Variants in EDAR observed in about 807,000 individuals in gnomAD.
EDAR encodes tumor necrosis factor receptor superfamily member EDAR.
A neutral mutation model predicts 51.3 loss-of-function variants in EDAR; 38 were observed. The ratio of observed to expected loss-of-function variants is 0.74; its 90% CI spans 0.57 to 0.97. EDAR has a LOEUF of 0.97. Among genes scored for constraint, EDAR ranks in the 50% least tolerant of loss-of-function variants. The probability of loss-of-function intolerance (pLI) is 0.00; values close to 1 mark genes in which losing one functional copy is unlikely to be tolerated. For missense variants in EDAR, 528 were observed against 595.0 expected, an observed-to-expected ratio of 0.89 and a Z score of 1.17; for synonymous variants, 227 against 242.1, an observed-to-expected ratio of 0.94 and a Z score of 0.58.
intron 1 of EDAR, among the ~76,000 whole-genome samples, chr2:108,970,297 G>A (rs1174151830): frequency 1.3e-5 from 2 of 152,172 alleles, no homozygotes; most frequent in Non-Finnish European, 2.9e-5. Flanking sequence ...GGAGACATGA[G>A]ATGTTTGGAG....
At chr2:108,962,048 G>A (rs1698056955) in intron 1 of EDAR, among the ~76,000 whole-genome samples, 1 of 152,198 alleles carries the variant, frequency 6.6e-6, no homozygotes, top group African/African-American at 2.4e-5. Context: ...TAAAATCCTG[G>A]AGAGACTTTT....
intron 5 of EDAR, among the ~76,000 whole-genome samples, chr2:108,915,356 T>C (rs1697007376): frequency 6.6e-6 from 1 of 152,158 alleles, no homozygotes; most frequent in Non-Finnish European, 1.5e-5. Context: ...GGCTGGATGC[T>C]TCTCTGTCCT....
At chr2:108,943,355 T>C (rs1697646592) in intron 1 of EDAR, among the ~76,000 whole-genome samples, 1 of 151,884 alleles carries the variant, frequency 6.6e-6, no homozygotes. Flanking sequence ...GGGATCAGAG[T>C]AAAACCTTTC....
chr2:108,954,786 C>T (rs1440567336), intron 1 of EDAR, among the ~76,000 whole-genome samples: 1 of 152,066 alleles, frequency 6.6e-6, no homozygotes, highest in Non-Finnish European at 1.5e-5. Flanking sequence ...AGCGATTCTC[C>T]TGTCTCAGCC....
intron 1 of EDAR, among the ~76,000 whole-genome samples, chr2:108,932,528 C>CAAAAAAAAAAAAAAA (rs1171012818): frequency 7.9e-4 from 31 of 39,156 alleles, no homozygotes; most frequent in African/African-American, 2.8e-3. Context: ...GACTCTGTCT[C>CAAAAAAAAAAAAAAA]AAAAAAAAAA....
chr2:108,957,855 T>A (rs1004003655), intron 1 of EDAR, among the ~76,000 whole-genome samples: 3 of 152,234 alleles, frequency 2.0e-5, no homozygotes, highest in African/African-American at 7.2e-5. Context: ...CTAAATATTA[T>A]GTTTTTGTAA....
At chr2:108,923,855 G>A (rs1697198411) in intron 4 of EDAR, among the ~76,000 whole-genome samples, 1 of 152,240 alleles carries the variant, frequency 6.6e-6, no homozygotes, top group African/African-American at 2.4e-5. Flanking sequence ...CCCTCTGTGA[G>A]CACCCTCCCC....
Position 108,930,171 on chromosome 2 carries a change from C to A in EDAR, c.123G>T (p.Thr41=), listed in dbSNP as rs753625802. The A allele has an allele frequency of 6.2e-7, 1 of 1,614,022 alleles. No individual in the cohort carries two copies. The highest frequency in any genetic ancestry group is 1.1e-5 in the South Asian group (1 of 91,084). The change falls in exon 3 of 12, where the codon ACG becomes ACT. Residue 41 remains threonine (T), a synonymous_variant. Transcript: ENST00000258443. The part of the protein sequence containing the change: ...CGENEYYNQT[T]GLCQECPPCG... ...ACGGGGGGCACTCCTGGCACAGCCC[C>A]GTAGTCTGGTTGTAGTACTCGTTCT...
intron 6 of EDAR, among the ~76,000 whole-genome samples, chr2:108,911,730 G>A (rs1050875659): frequency 6.6e-6 from 1 of 152,146 alleles, no homozygotes; most frequent in African/African-American, 2.4e-5. Flanking sequence ...GACTCTGATT[G>A]TCTTGAACTA....
intron 1 of EDAR, among the ~76,000 whole-genome samples, chr2:108,932,267 A>T (rs112242751): frequency 0.011 from 1,692 of 152,112 alleles, 34 homozygotes; most frequent in African/African-American, 0.038. Flanking sequence ...GGTGGCTCAC[A>T]CCTGTAATCC....
At chr2:108,918,062 T>G (rs544523162) in intron 5 of EDAR, among the ~76,000 whole-genome samples, 68 of 152,250 alleles carry the variant, frequency 4.5e-4, no homozygotes, top group African/African-American at 1.6e-3. Context: ...ACGTGATGTC[T>G]AAAAGAGGTT....
intron 1 of EDAR, among the ~76,000 whole-genome samples, chr2:108,983,460 C>T (rs146370408): frequency 6.6e-6 from 1 of 152,286 alleles, no homozygotes; most frequent in East Asian, 1.9e-4. Flanking sequence ...ATAAAATCAG[C>T]CAACTTAATA....
intron 1 of EDAR, among the ~76,000 whole-genome samples, chr2:108,972,047 G>A (rs1341492396): frequency 5.3e-5 from 8 of 152,292 alleles, no homozygotes; most frequent in South Asian, 2.1e-4. Flanking sequence ...GCCTGGCCTG[G>A]CCCGCAGATG....
intron 5 of EDAR, among the ~76,000 whole-genome samples, chr2:108,916,549 T>C (rs1697031100): frequency 6.6e-6 from 1 of 152,172 alleles, no homozygotes; most frequent in African/African-American, 2.4e-5. Flanking sequence ...GCCTCTATCC[T>C]GATCACCGGA....
chr2:108,943,697 T>C (rs1304662319), intron 1 of EDAR, among the ~76,000 whole-genome samples: 2 of 152,194 alleles, frequency 1.3e-5, no homozygotes, highest in Admixed American at 6.5e-5. Context: ...CATCCTTTCT[T>C]GGCTCTTTCT....
chr2:108,981,185 A>C (rs1306767080), intron 1 of EDAR, among the ~76,000 whole-genome samples: 2 of 152,164 alleles, frequency 1.3e-5, no homozygotes, highest in Non-Finnish European at 2.9e-5. Context: ...GTTACCCAGC[A>C]ATGATGATCT....
At chr2:108,933,408 A>G (rs72937970) in intron 1 of EDAR, among the ~76,000 whole-genome samples, 1,704 of 152,266 alleles carry the variant, frequency 0.011, 35 homozygotes, top group African/African-American at 0.038. Context: ...AATAGGTGGG[A>G]GAAGGGGGTC....
chr2:108,930,131 C>T lies in EDAR; in HGVS notation c.163G>A (p.Glu55Lys). The T allele has an allele frequency of 3.1e-6, 5 of 1,613,772 alleles. No homozygotes were observed. The highest frequency in any genetic ancestry group is 4.2e-6 in the Non-Finnish European group (5 of 1,179,932). ...QECPPCGPGE[E>K]PYLSCGYGTK... ...GGCTGGGTCCTTACCAGGTAGGGCT[C>T]CTCTCCCGGCCCACACGGGGGGCAC... The change falls in exon 3 of 12, where the codon GAG (glutamate) becomes AAG (lysine). Residue 55 changes from glutamate (E) to lysine (K), a missense_variant. Transcript: ENST00000258443.
chr2:108,944,724 C>G (rs986166577), intron 1 of EDAR, among the ~76,000 whole-genome samples: 1 of 152,120 alleles, frequency 6.6e-6, no homozygotes, highest in Admixed American at 6.5e-5. Flanking sequence ...GCTGCAGCAC[C>G]CCCACCGTGC....
Sources: allele counts gnomAD v4.1 joint callset (sites outside exome capture counted in the v4.1 genomes callset), GRCh38; gene constraint gnomAD v4.1.1; transcripts MANE v1.5; gene names NCBI Gene and HGNC (gene_info 2026-07-23, HGNC 2026-07-21).